Variants in ARHGEF28 observed in about 807,000 individuals in gnomAD.
ARHGEF28 encodes the protein 190 kDa guanine nucleotide exchange factor.
A neutral mutation model predicts 206.6 loss-of-function variants in ARHGEF28; 152 were observed. The ratio of observed to expected loss-of-function variants is 0.74; its 90% confidence interval spans 0.64 to 0.84. The LOEUF is 0.84. Ranked by LOEUF, ARHGEF28 falls within the 40% of genes least tolerant of loss-of-function variation. The probability of loss-of-function intolerance (pLI) is 0.00; values close to 1 mark genes in which losing one functional copy is unlikely to be tolerated. For synonymous variants in ARHGEF28, 763 were observed against 776.4 expected, an observed-to-expected ratio of 0.98 and a Z score of 0.29; for missense variants, 2,028 against 2,073.2, an observed-to-expected ratio of 0.98 and a Z score of 0.42.
At chr5:73,793,674 C>T (rs1754617639) in intron 7 of ARHGEF28, among the ~76,000 whole-genome samples, 1 of 151,912 alleles carries the variant, frequency 6.6e-6, no homozygotes, top group Non-Finnish European at 1.5e-5. Flanking sequence ...TTTAATTTTC[C>T]CCAGGCCCAA....
At chr5:73,826,486 A>C (rs1400269345) in intron 9 of ARHGEF28, among the ~76,000 whole-genome samples, 4 of 152,210 alleles carry the variant, frequency 2.6e-5, no homozygotes, top group Non-Finnish European at 4.4e-5. Flanking sequence ...GGTCAGCAGC[A>C]GGTTTGCAGA....
At chr5:73,795,765 A>G (rs2112488178) in intron 9 of ARHGEF28, among the ~76,000 whole-genome samples, 1 of 152,270 alleles carries the variant, frequency 6.6e-6, no homozygotes, top group South Asian at 2.1e-4. Context: ...CGAGACTCAT[A>G]ACTTCATTCC....
chr5:73,819,801 A>G (rs184882068), intron 9 of ARHGEF28, among the ~76,000 whole-genome samples: 176 of 152,224 alleles, frequency 1.2e-3, no homozygotes, highest in African/African-American at 4.0e-3. Context: ...TTGTTTTAGC[A>G]AAGTCAGGTA....
chr5:73,843,322 G>T (rs1404414569), intron 11 of ARHGEF28, among the ~76,000 whole-genome samples: 1 of 152,188 alleles, frequency 6.6e-6, no homozygotes, highest in Non-Finnish European at 1.5e-5. Context: ...GGAGAGGAAG[G>T]AGAAGCCATT....
chr5:73,874,416 T>C (rs1389881219), intron 22 of ARHGEF28, among the ~76,000 whole-genome samples: 1 of 152,066 alleles, frequency 6.6e-6, no homozygotes, highest in Non-Finnish European at 1.5e-5. Context: ...TTTTATTTTT[T>C]TGTTATTATT....
At position 73,827,646 on chromosome 5, in the gene ARHGEF28, C is replaced by T. The variant is rs12658124; in HGVS notation, c.1025-4692C>T. Among the ~76,000 whole-genome samples, 170 of 152,276 alleles carry T rather than the reference C, an allele frequency of 1.1e-3. 4 individuals carry two copies. The East Asian group carries it at 0.029, about 26-fold the overall frequency. The stretch of plus-strand genomic sequence containing the variant: ...GCAGTTCAGGGCTCATGCTTTTAAC[C>T]ACTGCAACACACGAGTGTTTTTCAC... On this transcript the variant is annotated intron_variant, in intron 9 of 35. Transcript: ENST00000513042.
At chr5:73,857,572 C>G in intron 14 of ARHGEF28, 84 bp from the exon 15 acceptor site, 2 of 1,321,278 alleles carry the variant, frequency 1.5e-6, no homozygotes, top group East Asian at 2.6e-5. Context: ...TGTACACACA[C>G]ACACACACAC....
At chr5:73,857,825 A>G (rs778555892) in intron 15 of ARHGEF28, 46 bp downstream of exon 15, 7 of 1,569,538 alleles carry the variant, frequency 4.5e-6, no homozygotes, top group Non-Finnish European at 6.1e-6. Context: ...TAGACATTTT[A>G]GTTTCTCAGC....
chr5:73,781,447 G>T (rs1753838919), intron 7 of ARHGEF28, among the ~76,000 whole-genome samples: 1 of 152,164 alleles, frequency 6.6e-6, no homozygotes, highest in South Asian at 2.1e-4. Context: ...TAGCTCATAT[G>T]CAGGAACATC....
rs148363621 is a variant in ARHGEF28, at chr5:73,812,555, T to C, written c.1024+17164T>C. ...TCTCGGCTGTTGTGCTTGAGCTTAT[T>C]TGGGGCATGGATATCTATGTGCCTA... On this transcript the variant is annotated intron_variant, in intron 9 of 35. Coordinates refer to ENST00000513042, the MANE Select transcript of ARHGEF28 (RefSeq NM_001177693.2). Among the ~76,000 whole-genome samples the C allele has an allele frequency of 4.5e-3, 689 of 152,278 alleles. 1 individual carries two copies. Among genetic ancestry groups the C allele is most frequent in the Non-Finnish European group, 6.8e-3 (460 of 68,026 alleles).
intron 22 of ARHGEF28, among the ~76,000 whole-genome samples, chr5:73,880,252 T>C (rs1760828997): frequency 6.6e-6 from 1 of 152,204 alleles, no homozygotes; most frequent in Non-Finnish European, 1.5e-5. Context: ...TATAATATCC[T>C]GGTGCGCCGT....
chr5:73,936,760 G>GT (rs1764443472), intron 35 of ARHGEF28, among the ~76,000 whole-genome samples: 1 of 152,048 alleles, frequency 6.6e-6, no homozygotes, highest in Admixed American at 6.5e-5. Context: ...TAGAGACAGG[G>GT]TCTCACTATG....
Position 73,941,034 on chromosome 5 carries a change from A to G in ARHGEF28, c.*21A>G, listed in dbSNP as rs1334219740. The G allele has an allele frequency of 1.4e-6, 2 of 1,452,832 alleles. No homozygotes were observed. Among genetic ancestry groups the G allele is most frequent in the African/African-American group, 1.4e-5 (1 of 69,944 alleles). 90.0% of individuals were successfully genotyped at this position (1,452,832 alleles called of 1,614,324 possible). A position where few individuals can be genotyped will look rare whatever the true frequency, so the allele number is the denominator to read the frequency against. On this transcript the variant is annotated 3_prime_UTR_variant, in exon 36 of 36. Coordinates refer to ENST00000513042, the MANE Select transcript of ARHGEF28 (RefSeq NM_001177693.2). ...TCTAATTGTGTTGTCATTTTTCCAAACAAAACAAAACACTGGCACTTTTGG... is the reference window on the plus strand; with the variant it reads ...TCTAATTGTGTTGTCATTTTTCCAAGCAAAACAAAACACTGGCACTTTTGG...
chr5:73,682,283 T>C (rs1292748547), intron 1 of ARHGEF28, among the ~76,000 whole-genome samples: 1 of 152,184 alleles, frequency 6.6e-6, no homozygotes. Flanking sequence ...GAGGATGCTA[T>C]CACCAGTGTG....
intron 29 of ARHGEF28, among the ~76,000 whole-genome samples, chr5:73,896,818 C>T (rs756205437): frequency 6.6e-5 from 10 of 152,196 alleles, no homozygotes; most frequent in South Asian, 2.1e-4. Flanking sequence ...CTGGGTTGTA[C>T]GCCCATCTGC....
chr5:73,868,469 TGTCACAA>T (rs1759857566), intron 20 of ARHGEF28, among the ~76,000 whole-genome samples: 1 of 152,146 alleles, frequency 6.6e-6, no homozygotes. Flanking sequence ...ACTAAAAGAA[TGTCACAA>T]GCATAACGAA....
intron 34 of ARHGEF28, 82 bp downstream of exon 34, chr5:73,909,979 T>C: frequency 3.5e-6 from 5 of 1,415,238 alleles, no homozygotes; most frequent in Non-Finnish European, 4.6e-6. Context: ...TAACCAAACA[T>C]CTGTCATTTT....
At chr5:73,933,782 A>G (rs1032947673) in intron 35 of ARHGEF28, among the ~76,000 whole-genome samples, 2 of 152,108 alleles carry the variant, frequency 1.3e-5, no homozygotes, top group African/African-American at 4.8e-5. Context: ...ATACTTCAAT[A>G]CCTTTGTCTA....
rs1396146238 is a variant in ARHGEF28, at chr5:73,909,819, CCAGCAGAGCCTGCTGGGCCACTG to C, written c.4570_4592del (p.Gln1524GlufsTer23). The C allele has an allele frequency of 1.9e-6, 3 of 1,539,234 alleles. No individual in the cohort carries two copies. The highest frequency in any genetic ancestry group is 2.6e-6 in the Non-Finnish European group (3 of 1,153,078). On this transcript the variant is annotated frameshift_variant, in exon 34 of 36. Transcript: ENST00000513042. LOFTEE classifies it high-confidence loss of function. ...AGAGGGAGCAGGCGAGGATGCGGGC[CCAGCAGAGCCTGCTGGGCCACTG>C]GAAGCACGGCCGGCAGAGGAGCCTG...
Sources: gnomAD v4.1 joint callset for allele counts (sites outside exome capture counted in the v4.1 genomes callset) on GRCh38, gnomAD v4.1.1 for gene constraint, MANE v1.5 for transcripts, NCBI Gene and HGNC (gene_info 2026-07-23, HGNC 2026-07-21) for gene names.